The following CIB1 variants were observed in gnomAD, a reference collection of about 807,000 sequenced individuals.
CIB1 encodes the protein calcium and integrin-binding protein 1.
CIB1 carries 19 observed loss-of-function variants against 25.0 expected under a neutral mutation model. That is an observed-to-expected ratio of 0.76 (90% CI 0.53 to 1.12). The LOEUF is 1.12. CIB1 is among the 50% of genes most tolerant of loss of function. The probability of loss-of-function intolerance (pLI) is 0.00; values close to 1 mark genes in which losing one functional copy is unlikely to be tolerated. For synonymous variants in CIB1, 104 were observed against 98.5 expected (o/e 1.06, Z -0.33); for missense variants, 236 against 242.6 (o/e 0.97, Z 0.18).
At chr15:90,241,236 C>A in the CIB1 span, 1 of 1,614,184 alleles carries the variant, frequency 6.2e-7, no homozygotes, top group Non-Finnish European at 8.5e-7. Context: ...GAGGCCCCCG[C>A]AGACCATCAA....
intron 3 of CIB1, 140 bp from the exon 4 acceptor site, chr15:90,231,647 C>A: frequency 1.0e-6 from 1 of 965,584 alleles, no homozygotes; most frequent in Non-Finnish European, 1.5e-6. Flanking sequence ...TTGGGGCCAA[C>A]ATGGAGGGCA....
intron 2 of CIB1, among the ~76,000 whole-genome samples, chr15:90,233,287 G>C (rs540007671): frequency 2.0e-5 from 3 of 152,396 alleles, no homozygotes; most frequent in Non-Finnish European, 4.4e-5. Context: ...AAGCGATAAC[G>C]GTTACTGTAT....
At chr15:90,263,249 C>T in the CIB1 span, 2 of 1,092,744 alleles carry the variant, frequency 1.8e-6, no homozygotes, top group Admixed American at 2.9e-5. Flanking sequence ...TGGTATCTGT[C>T]AGTGGAGCCT....
the CIB1 span, among the ~76,000 whole-genome samples, chr15:90,259,835 T>G: frequency 6.6e-6 from 1 of 152,212 alleles, no homozygotes; most frequent in African/African-American, 2.4e-5. Context: ...GTAAAATGAG[T>G]TACAAACATG....
chr15:90,241,670 C>T, the CIB1 span: 2 of 1,614,220 alleles, frequency 1.2e-6, no homozygotes, highest in South Asian at 1.1e-5. Flanking sequence ...CAGCTCCTGG[C>T]TTCCTCTTTT....
chr15:90,256,361 C>G, the CIB1 span: 1 of 1,601,614 alleles, frequency 6.2e-7, no homozygotes, highest in Non-Finnish European at 8.5e-7. Context: ...CTCATCTCTC[C>G]CAAAAGCCAG....
chr15:90,231,191 C>G lies in CIB1; in HGVS notation c.369G>C (p.Leu123Phe), dbSNP rs767933367. Residue 123 changes from leucine to phenylalanine, a missense_variant, in exon 5 of 7, where the codon TTG (leucine) becomes TTC (phenylalanine). Transcript: ENST00000328649. ...CCAGCCGGCTCAGGTCTTCTCTGTT[C>G]AAGGTTCCGTCATCATCAAAGTCTA... ...RIFDFDDDGT[L>F]NREDLSRLVN... The G allele has an allele frequency of 6.6e-5, 107 of 1,610,804 alleles. No individual in the cohort carries two copies. Among genetic ancestry groups the G allele is most frequent in the Non-Finnish European group, 8.6e-5 (101 of 1,179,448 alleles).
the CIB1 span, among the ~76,000 whole-genome samples, chr15:90,261,020 T>G: frequency 6.6e-6 from 1 of 152,024 alleles, no homozygotes; most frequent in Non-Finnish European, 1.5e-5. Context: ...TGGAAGGCTT[T>G]ATCTTCTTTC....
the CIB1 span, chr15:90,241,109 G>A: frequency 3.1e-6 from 5 of 1,614,042 alleles, no homozygotes; most frequent in Non-Finnish European, 4.2e-6. Flanking sequence ...GCTCTGCCTG[G>A]AAGCAGCGGG....
chr15:90,254,856 G>GA, the CIB1 span, among the ~76,000 whole-genome samples: 4 of 150,586 alleles, frequency 2.7e-5, no homozygotes, highest in South Asian at 2.1e-4. Context: ...AGGGAAGGGG[G>GA]AAAAAAAAAG....
the CIB1 span, chr15:90,255,934 G>T: frequency 6.2e-7 from 1 of 1,612,988 alleles, no homozygotes; most frequent in Non-Finnish European, 8.5e-7. Context: ...GAGGAAAAGG[G>T]TCGCTCTCAG....
chr15:90,257,774 C>G, the CIB1 span: 1 of 1,558,774 alleles, frequency 6.4e-7, no homozygotes, highest in Non-Finnish European at 8.8e-7. Context: ...GCCCCACAGT[C>G]CCAGTAGCCC....
intron 6 of CIB1, 83 bp downstream of exon 6, chr15:90,230,851 A>T (rs900483481): frequency 1.6e-5 from 20 of 1,220,464 alleles, no homozygotes; most frequent in Non-Finnish European, 2.4e-5. Context: ...CCCTGGCACC[A>T]CCTCCTGTAG....
the CIB1 span, chr15:90,257,061 G>A: frequency 0.27 from 367,755 of 1,340,608 alleles, 57,045 homozygotes; most frequent in East Asian, 0.66. Context: ...TTAGCTATGT[G>A]TGTGAAGCAC....
At chr15:90,242,244 C>A in the CIB1 span, 7 of 356,098 alleles carry the variant, frequency 2.0e-5, no homozygotes, top group East Asian at 4.5e-5. Flanking sequence ...TGCACCACCA[C>A]ACACCTGGCT....
the CIB1 span, among the ~76,000 whole-genome samples, chr15:90,254,491 TAAAAAA>T: frequency 2.4e-5 from 2 of 84,240 alleles, no homozygotes; most frequent in East Asian, 5.2e-4. Flanking sequence ...AGACTCCATC[TAAAAAA>T]AAAAAAAAAA....
the CIB1 span, among the ~76,000 whole-genome samples, chr15:90,254,103 A>G: frequency 6.6e-6 from 1 of 151,948 alleles, no homozygotes; most frequent in African/African-American, 2.4e-5. Context: ...TCAGGTCAGG[A>G]GTTCACTTGA....
chr15:90,253,385 T>A, the CIB1 span: 1 of 1,591,618 alleles, frequency 6.3e-7, no homozygotes, highest in Non-Finnish European at 8.6e-7. Flanking sequence ...TCTCCTGACC[T>A]GAGAGCCGAC....
chr15:90,265,484 C>T, the CIB1 span: 1 of 1,378,646 alleles, frequency 7.3e-7, no homozygotes, highest in Non-Finnish European at 9.3e-7. Context: ...TTTCCAGGAG[C>T]GTCCTGTACC....
Sources: gnomAD v4.1 joint callset for allele counts (sites outside exome capture counted in the v4.1 genomes callset) on GRCh38, gnomAD v4.1.1 for gene constraint, MANE v1.5 for transcripts, NCBI Gene and HGNC (gene_info 2026-07-23, HGNC 2026-07-21) for gene names.